Variants in ARL8B observed in about 807,000 individuals in gnomAD.
ARL8B encodes ADP-ribosylation factor-like protein 8B.
ARL8B carries 9 observed loss-of-function variants against 30.6 expected under a neutral mutation model. That is an observed-to-expected ratio of 0.29 (90% CI 0.18 to 0.51). The LOEUF (loss-of-function observed/expected upper bound fraction) is 0.51. Ranked by LOEUF, ARL8B falls within the 20% of genes least tolerant of loss-of-function variation. ARL8B has a pLI of 0.97. For synonymous variants in ARL8B, 74 were observed against 76.0 expected, an observed-to-expected ratio of 0.97 and a Z score of 0.14; for missense variants, 130 against 227.2, an observed-to-expected ratio of 0.57 and a Z score of 2.75.
chr3:5,178,543 C>T, intron 6 of ARL8B, 121 bp from the exon 7 acceptor site: 1 of 835,490 alleles, frequency 1.2e-6, no homozygotes. Context: ...AATGCAGATG[C>T]AGAAAAGCAG....
intron 1 of ARL8B, among the ~76,000 whole-genome samples, chr3:5,139,901 C>G (rs1021094082): frequency 6.6e-6 from 1 of 151,892 alleles, no homozygotes; most frequent in Non-Finnish European, 1.5e-5. Context: ...GCAAGGCTTG[C>G]AGGGCTCATA....
At chr3:5,163,587 T>A (rs1461887099) in intron 1 of ARL8B, among the ~76,000 whole-genome samples, 1 of 152,166 alleles carries the variant, frequency 6.6e-6, no homozygotes. Flanking sequence ...AAAAGACTGC[T>A]GCTGGGTGCC....
At chr3:5,149,432 A>T (rs2054458213) in intron 1 of ARL8B, among the ~76,000 whole-genome samples, 1 of 152,176 alleles carries the variant, frequency 6.6e-6, no homozygotes, top group Non-Finnish European at 1.5e-5. Context: ...ACCCATGCAA[A>T]CCCAAAAAAT....
chr3:5,129,720 T>A (rs1460985135), intron 1 of ARL8B, among the ~76,000 whole-genome samples: 2 of 152,120 alleles, frequency 1.3e-5, no homozygotes, highest in African/African-American at 4.8e-5. Flanking sequence ...CTAATTTTTT[T>A]AAACAAGATT....
chr3:5,161,212 T>C (rs1268034779), intron 1 of ARL8B, among the ~76,000 whole-genome samples: 2 of 152,162 alleles, frequency 1.3e-5, no homozygotes, highest in Non-Finnish European at 2.9e-5. Context: ...CCTTTACCAC[T>C]AGTTATCTTG....
At chr3:5,173,475 G>C (rs1208412673) in intron 4 of ARL8B, among the ~76,000 whole-genome samples, 2 of 152,172 alleles carry the variant, frequency 1.3e-5, no homozygotes, top group African/African-American at 4.8e-5. Flanking sequence ...GGTGGCTCAT[G>C]CCTGTAATCC....
chr3:5,146,189 C>T (rs569109567), intron 1 of ARL8B, among the ~76,000 whole-genome samples: 2 of 152,284 alleles, frequency 1.3e-5, no homozygotes, highest in East Asian at 1.9e-4. Flanking sequence ...GCAAAGAGGT[C>T]CCTGCTCCTA....
intron 1 of ARL8B, among the ~76,000 whole-genome samples, chr3:5,129,180 T>TTTTTCTG (rs1559274595): frequency 6.6e-6 from 1 of 151,426 alleles, no homozygotes; most frequent in Non-Finnish European, 1.5e-5. Context: ...TGTTTTTTGT[T>TTTTTCTG]TTTTGTTTTT....
chr3:5,133,959 C>A (rs1434661610), intron 1 of ARL8B, among the ~76,000 whole-genome samples: 1 of 151,882 alleles, frequency 6.6e-6, no homozygotes, highest in Non-Finnish European at 1.5e-5. Context: ...GCACACCCCA[C>A]ACCCCTGGAA....
At chr3:5,128,162 CAAAAAAA>C (rs35084667) in intron 1 of ARL8B, among the ~76,000 whole-genome samples, 7 of 53,154 alleles carry the variant, frequency 1.3e-4, no homozygotes, top group Non-Finnish European at 2.1e-4. Flanking sequence ...AAATCCGTCT[CAAAAAAA>C]AAAAAAAAAA....
intron 1 of ARL8B, among the ~76,000 whole-genome samples, chr3:5,145,092 C>T (rs1054818154): frequency 4.6e-5 from 7 of 151,938 alleles, no homozygotes; most frequent in African/African-American, 1.7e-4. Context: ...TCTCTCTTTG[C>T]CATCTATCCA....
intron 1 of ARL8B, among the ~76,000 whole-genome samples, chr3:5,144,417 C>A (rs1028111443): frequency 6.6e-5 from 10 of 152,212 alleles, no homozygotes; most frequent in African/African-American, 2.4e-4. Flanking sequence ...ACAGCTTCCA[C>A]GTACTTGTTT....
In ARL8B at chr3:5,170,553, G is replaced by A. The variant is rs930570755; in HGVS notation, c.174G>A (p.Arg58=). ...TACCCACAGTGGGCTTCAACATGAGGAAGGTAACTAAAGGTAACGTCACAA... is the reference window on the plus strand; with the variant it reads ...TACCCACAGTGGGCTTCAACATGAGAAAGGTAACTAAAGGTAACGTCACAA... ...DMIPTVGFNM[R]KVTKGNVTIK... is the part of the protein sequence containing the mutation. Residue 58 remains arginine, a synonymous_variant, in exon 2 of 7, where the codon AGG becomes AGA. Coordinates refer to ENST00000256496, the MANE Select transcript of ARL8B (RefSeq NM_018184.3). The A allele has an allele frequency of 1.9e-6, 3 of 1,613,034 alleles. No homozygotes were observed. The African/African-American group carries it at 4.0e-5, about 22-fold the overall frequency.
intron 1 of ARL8B, among the ~76,000 whole-genome samples, chr3:5,127,798 T>G (rs1014873874): frequency 1.5e-5 from 2 of 134,284 alleles, no homozygotes; most frequent in African/African-American, 5.6e-5. Flanking sequence ...GCGTGAACCT[T>G]GGAGGCAGAG....
At chr3:5,150,883 A>G (rs886424968) in intron 1 of ARL8B, among the ~76,000 whole-genome samples, 3 of 152,180 alleles carry the variant, frequency 2.0e-5, no homozygotes, top group Admixed American at 2.0e-4. Flanking sequence ...TAGTGATTCA[A>G]TTTCTTCAGT....
chr3:5,147,486 T>TG (rs1420991190), intron 1 of ARL8B, among the ~76,000 whole-genome samples: 2 of 152,196 alleles, frequency 1.3e-5, no homozygotes, highest in African/African-American at 4.8e-5. Flanking sequence ...TAAAATGCCC[T>TG]GGCTTTCCAC....
chr3:5,159,956 T>TA (rs1447672051), intron 1 of ARL8B, among the ~76,000 whole-genome samples: 1 of 152,196 alleles, frequency 6.6e-6, no homozygotes, highest in East Asian at 1.9e-4. Flanking sequence ...TACAGATGTT[T>TA]AGAGACCAAC....
At chr3:5,166,775 C>G (rs2054628414) in intron 1 of ARL8B, among the ~76,000 whole-genome samples, 1 of 152,272 alleles carries the variant, frequency 6.6e-6, no homozygotes, top group East Asian at 1.9e-4. Flanking sequence ...TCTGAGATCT[C>G]TAGTAGAAAA....
intron 1 of ARL8B, among the ~76,000 whole-genome samples, chr3:5,154,823 G>T (rs4054850): frequency 0.38 from 58,134 of 152,052 alleles, 12,506 homozygotes; most frequent in African/African-American, 0.6. Context: ...TGATTCTCCT[G>T]TCTCAGCCTT....
Sources: gnomAD v4.1 joint callset for allele counts (sites outside exome capture counted in the v4.1 genomes callset) on GRCh38, gnomAD v4.1.1 for gene constraint, MANE v1.5 for transcripts, NCBI Gene and HGNC (gene_info 2026-07-23, HGNC 2026-07-21) for gene names.